MOSMO: variants seen among roughly 807,000 people sequenced by gnomAD.
The protein encoded by MOSMO is modulator of smoothened.
Under a neutral mutation model 18.4 loss-of-function variants are expected in MOSMO, and 5 were observed. The ratio of observed to expected loss-of-function variants is 0.27; its 90% CI spans 0.14 to 0.57. MOSMO has a LOEUF of 0.57. Among genes scored for constraint, MOSMO ranks in the 20% least tolerant of loss-of-function variants. MOSMO has a pLI of 0.92. For missense variants in MOSMO, 138 were observed against 211.8 expected, an observed-to-expected ratio of 0.65 and a Z score of 2.16; for synonymous variants, 82 against 82.3, an observed-to-expected ratio of 1.00 and a Z score of 0.02.
chr16:22,075,527 C>G lies in MOSMO; in HGVS notation c.147C>G (p.Ile49Met). The part of the protein sequence containing the change: ...TVGLVRQCQT[I>M]HGRDRTCIPP... The stretch of plus-strand genomic sequence containing the variant: ...GCCTCGTGCGACAGTGTCAAACAAT[C>G]CATGGACGAGACCGGACGTGCATCC... Residue 49 changes from isoleucine to methionine, a missense_variant, in exon 2 of 3, where the codon ATC (isoleucine) becomes ATG (methionine). Transcript: ENST00000542527. 2 of 1,537,314 alleles carry G rather than the reference C, an allele frequency of 1.3e-6. No homozygotes were observed. Among genetic ancestry groups the G allele is most frequent in the Non-Finnish European group, 1.7e-6 (2 of 1,146,918 alleles).
intron 1 of MOSMO, among the ~76,000 whole-genome samples, chr16:22,034,623 T>G (rs1406558555): frequency 6.6e-6 from 1 of 152,036 alleles, no homozygotes; most frequent in African/African-American, 2.4e-5. Flanking sequence ...TCTGGCTTTT[T>G]TCAGTATTTC....
chr16:22,067,250 A>G (rs1339544337), intron 1 of MOSMO, among the ~76,000 whole-genome samples: 2 of 152,190 alleles, frequency 1.3e-5, no homozygotes, highest in Non-Finnish European at 2.9e-5. Flanking sequence ...GTATATCAAC[A>G]TACACATAAC....
intron 1 of MOSMO, among the ~76,000 whole-genome samples, chr16:22,052,956 T>C (rs1229615998): frequency 6.9e-6 from 1 of 145,286 alleles, no homozygotes; most frequent in African/African-American, 2.5e-5. Context: ...ATCTTCTTTT[T>C]TTTTTTTTTT....
At position 22,060,533 on chromosome 16, in the gene MOSMO, G is replaced by A. The variant is rs1302531392; in HGVS notation, c.107-14954G>A. Among the ~76,000 whole-genome samples, 7 of 152,282 alleles carry A rather than the reference G, an allele frequency of 4.6e-5. No homozygotes were observed. The South Asian group carries it at 1.5e-3, about 32-fold the overall frequency. On this transcript the variant is annotated intron_variant, in intron 1 of 2. Transcript: ENST00000542527. ...GATTGAAAATACAAAGTGTTGATGA[G>A]TATGGTGAACAACTAGATTTTTAGA...
intron 1 of MOSMO, among the ~76,000 whole-genome samples, chr16:22,072,886 T>C (rs895196903): frequency 2.6e-5 from 4 of 152,184 alleles, no homozygotes; most frequent in African/African-American, 4.8e-5. Flanking sequence ...GCTTTTTTTC[T>C]TCTAGAATAG....
chr16:22,008,256 C>T lies in MOSMO; in HGVS notation c.-46C>T. 1 of 1,304,566 alleles carries T rather than the reference C, an allele frequency of 7.7e-7. No individual in the cohort carries two copies. Among genetic ancestry groups the T allele is most frequent in the Non-Finnish European group, 1.0e-6 (1 of 981,330 alleles). The allele number at this position is 1,304,566 out of a possible 1,614,324, so 80.8% of individuals were successfully genotyped here. On this transcript the variant is annotated 5_prime_UTR_variant, in exon 1 of 3. Coordinates refer to ENST00000542527, the MANE Select transcript of MOSMO (RefSeq NM_001164579.2). The stretch of plus-strand genomic sequence containing the variant: ...GCCCATGGGGCGGGAGGCGTGAGGC[C>T]GCTGCCTGTCCGGGGCTCGGGGGGT...
In MOSMO at chr16:22,081,754, A is replaced by G. The variant is rs1458678159; in HGVS notation, c.*874A>G. ...CAAACCTAGAACCCAATAGAAAAAA[A>G]AGCCATTTATCTGAAGGCTGCATAG... On this transcript the variant is annotated 3_prime_UTR_variant, in exon 3 of 3. Transcript: ENST00000542527. 1.3e-5 allele frequency: 2 copies of G among 151,994 alleles called. No individual in the cohort carries two copies. Among genetic ancestry groups the G allele is most frequent in the South Asian group, 4.1e-4 (2 of 4,830 alleles). 9.4% of individuals were successfully genotyped at this position (151,994 alleles called of 1,614,324 possible). A position where few individuals can be genotyped will look rare whatever the true frequency, so the allele number is the denominator to read the frequency against.
chr16:22,039,477 T>C (rs1900169901), intron 1 of MOSMO, among the ~76,000 whole-genome samples: 2 of 152,076 alleles, frequency 1.3e-5, no homozygotes, highest in Non-Finnish European at 2.9e-5. Flanking sequence ...TTTTAGAAAA[T>C]TAGGTTGGAA....
intron 1 of MOSMO, among the ~76,000 whole-genome samples, chr16:22,034,650 T>C (rs927157593): frequency 6.6e-6 from 1 of 151,918 alleles, no homozygotes; most frequent in Non-Finnish European, 1.5e-5. Flanking sequence ...ATCTTTGATT[T>C]TCTACAATTT....
chr16:22,053,148 C>G (rs1204421865), intron 1 of MOSMO, among the ~76,000 whole-genome samples: 2 of 149,704 alleles, frequency 1.3e-5, no homozygotes, highest in East Asian at 3.9e-4. Context: ...TTTTTAGTAG[C>G]GATGGGGTTT....
chr16:22,031,169 G>T (rs1899985957), intron 1 of MOSMO, among the ~76,000 whole-genome samples: 1 of 152,122 alleles, frequency 6.6e-6, no homozygotes. Context: ...GAGAAGGAAG[G>T]GCCGTAAGAA....
intron 1 of MOSMO, among the ~76,000 whole-genome samples, chr16:22,033,505 A>C (rs895730910): frequency 2.6e-5 from 4 of 151,616 alleles, no homozygotes; most frequent in African/African-American, 9.7e-5. Flanking sequence ...CTCCTGCCTC[A>C]GCCTCCTGAG....
At chr16:22,021,530 C>T (rs570188954) in intron 1 of MOSMO, among the ~76,000 whole-genome samples, 2 of 152,202 alleles carry the variant, frequency 1.3e-5, no homozygotes, top group African/African-American at 4.8e-5. Context: ...GGGGGCTGGG[C>T]TCACACCTGT....
chr16:22,072,756 G>A (rs948773688), intron 1 of MOSMO, among the ~76,000 whole-genome samples: 23 of 148,904 alleles, frequency 1.5e-4, no homozygotes, highest in Non-Finnish European at 3.0e-4. Flanking sequence ...AGCTTGCCGT[G>A]ATATCGCGCC....
chr16:22,045,595 T>C (rs1900291834), intron 1 of MOSMO, among the ~76,000 whole-genome samples: 1 of 152,224 alleles, frequency 6.6e-6, no homozygotes, highest in South Asian at 2.1e-4. Context: ...TTTAAAAAAA[T>C]AATTGCATAG....
chr16:22,060,275 G>A lies in MOSMO; in HGVS notation c.107-15212G>A, dbSNP rs534358117. Among the ~76,000 whole-genome samples the A allele has an allele frequency of 3.9e-5, 6 of 152,324 alleles. No homozygotes were observed. The South Asian group carries it at 1.0e-3, about 26-fold the overall frequency. On this transcript the variant is annotated intron_variant, in intron 1 of 2. Transcript: ENST00000542527. ...AAGCAAGGCTATGGGGGAAATATTG[G>A]TAAAACACATGTCAGAAGATGGACT...
At chr16:22,023,146 T>C (rs1464879901) in intron 1 of MOSMO, among the ~76,000 whole-genome samples, 2 of 152,198 alleles carry the variant, frequency 1.3e-5, no homozygotes, top group Non-Finnish European at 1.5e-5. Flanking sequence ...TAAGAAACCA[T>C]AGCAAAGAAT....
chr16:22,023,404 A>G (rs1899804423), intron 1 of MOSMO, among the ~76,000 whole-genome samples: 1 of 152,192 alleles, frequency 6.6e-6, no homozygotes, highest in Non-Finnish European at 1.5e-5. Flanking sequence ...CTTTAAGTGG[A>G]CCACCCTGTA....
intron 1 of MOSMO, among the ~76,000 whole-genome samples, chr16:22,036,791 G>A (rs928370394): frequency 6.6e-6 from 1 of 152,110 alleles, no homozygotes; most frequent in Admixed American, 6.5e-5. Context: ...GTTTTCTGAA[G>A]GGCCTTTTAC....
Sources: gnomAD v4.1 joint callset for allele counts (sites outside exome capture counted in the v4.1 genomes callset) on GRCh38, gnomAD v4.1.1 for gene constraint, MANE v1.5 for transcripts, NCBI Gene and HGNC (gene_info 2026-07-23, HGNC 2026-07-21) for gene names.